Variants in DYNLT2 observed in about 807,000 individuals in gnomAD.
DYNLT2 encodes the protein dynein light chain Tctex-type 2.
A neutral mutation model predicts 24.3 loss-of-function variants in DYNLT2; 24 were observed. The ratio of observed to expected loss-of-function variants is 0.99; its 90% confidence interval spans 0.71 to 1.39. The LOEUF is 1.39. Ranked by LOEUF, DYNLT2 falls within the 40% of genes most tolerant of loss-of-function variation. DYNLT2 has a pLI of 0.00. For synonymous variants in DYNLT2, 85 were observed against 85.4 expected (o/e 1.00, Z 0.03); for missense variants, 246 against 234.5 (o/e 1.05, Z -0.32).
In DYNLT2 at chr6:169,743,083, T is replaced by C; in HGVS notation, c.483A>G (p.Ile161Met). 6.5e-7 allele frequency: 1 copy of C among 1,545,096 alleles called. No homozygotes were observed. Among genetic ancestry groups the C allele is most frequent in the Non-Finnish European group, 8.8e-7 (1 of 1,137,770 alleles). The change falls in exon 3 of 4, where the codon ATA (isoleucine) becomes ATG (methionine). Residue 161 changes from isoleucine to methionine, a missense_variant. By Grantham distance (10) the Ile-to-Met change is conservative. Coordinates refer to ENST00000366774, the MANE Select transcript of DYNLT2 (RefSeq NM_174910.3). Reference sequence around the variant, plus strand: ...CCTGTATCAATGGGGTACTTACATTTATTGCTTGGCCAGTCTTTTGAATAA... The same window carrying C: ...CCTGTATCAATGGGGTACTTACATTCATTGCTTGGCCAGTCTTTTGAATAA... ...VLFIQKTGQA[I>M]NIASRWIWDI...
downstream of DYNLT2, among the ~76,000 whole-genome samples, chr6:169,739,200 A>G (rs1380460081): frequency 1.4e-5 from 2 of 138,062 alleles, no homozygotes; most frequent in South Asian, 2.3e-4. Flanking sequence ...TGGATCCACA[A>G]TTTTCTCCTT....
Position 169,751,462 on chromosome 6 carries a change from G to A in DYNLT2, c.-4C>T. On this transcript the variant is annotated 5_prime_UTR_variant, in exon 1 of 4. Transcript: ENST00000366774. ...CGCCTCGGCCTCGCTTCTCCATCTC[G>A]CTCTGTTCTCCAAGACGCCCACCGC... is the stretch of plus-strand genomic sequence containing the variant. The A allele has an allele frequency of 8.1e-6, 13 of 1,613,534 alleles. No individual in the cohort carries two copies. Among genetic ancestry groups the A allele is most frequent in the Non-Finnish European group, 1.0e-5 (12 of 1,179,854 alleles).
At chr6:169,740,965 C>T (rs1789666294) in intron 3 of DYNLT2, among the ~76,000 whole-genome samples, 2 of 152,064 alleles carry the variant, frequency 1.3e-5, no homozygotes, top group Admixed American at 6.6e-5. Flanking sequence ...CCTGCCACCA[C>T]ATCCAGCTAA....
chr6:169,747,874 G>A (rs925573600), intron 1 of DYNLT2, among the ~76,000 whole-genome samples: 3 of 152,116 alleles, frequency 2.0e-5, no homozygotes, highest in African/African-American at 7.2e-5. Context: ...CTTATAGGCT[G>A]GATATTTTTG....
chr6:169,741,234 C>A (rs1789672227), intron 3 of DYNLT2, among the ~76,000 whole-genome samples: 1 of 152,170 alleles, frequency 6.6e-6, no homozygotes, highest in Non-Finnish European at 1.5e-5. Context: ...AACTTCCAAG[C>A]AAGGCCTTCA....
chr6:169,730,690 A>T, the DYNLT2 span, among the ~76,000 whole-genome samples: 3 of 152,120 alleles, frequency 2.0e-5, no homozygotes, highest in African/African-American at 7.2e-5. Flanking sequence ...CGAAGTCAGG[A>T]GATCGAGACC....
chr6:169,745,613 G>C (rs1789779284), intron 1 of DYNLT2, among the ~76,000 whole-genome samples: 1 of 152,106 alleles, frequency 6.6e-6, no homozygotes, highest in South Asian at 2.1e-4. Flanking sequence ...TTGCATTCCA[G>C]GAACAAATTT....
At chr6:169,730,164 G>C in the DYNLT2 span, among the ~76,000 whole-genome samples, 1 of 152,172 alleles carries the variant, frequency 6.6e-6, no homozygotes, top group Non-Finnish European at 1.5e-5. Context: ...AGTGAAAATT[G>C]CACAGTGCAT....
the DYNLT2 span, among the ~76,000 whole-genome samples, chr6:169,730,313 G>A: frequency 2.6e-5 from 4 of 152,192 alleles, no homozygotes; most frequent in Non-Finnish European, 4.4e-5. Context: ...CAAGTGATGG[G>A]GAGGAATAAG....
the DYNLT2 span, among the ~76,000 whole-genome samples, chr6:169,728,695 T>C: frequency 6.6e-5 from 10 of 152,338 alleles, no homozygotes; most frequent in East Asian, 1.9e-3. Context: ...TAGTATGCCA[T>C]AATTTAAAAC....
intron 1 of DYNLT2, chr6:169,749,497 A>C (rs924708713): frequency 1.3e-5 from 2 of 152,260 alleles, no homozygotes; most frequent in Admixed American, 6.5e-5. Context: ...TCGCAACAAC[A>C]GGAACTCATT....
rs755074306 is a variant in DYNLT2, at chr6:169,740,211, A to G, written c.571T>C (p.Leu191=). ...TATTCATAATAAAGGGCAAACACCA[A>G]GACCAGTGCCACGTAGGATTCTGCT... ...HEAESYVALV[L]VFALYYE Residue 191 remains leucine (L), a synonymous_variant, in exon 4 of 4, where the codon TTG becomes CTG. Transcript: ENST00000366774. 99 of 1,613,902 alleles carry G rather than the reference A, an allele frequency of 6.1e-5. No individual in the cohort carries two copies. The highest frequency in any genetic ancestry group is 8.1e-5 in the Non-Finnish European group (95 of 1,179,858).
At chr6:169,736,142 G>GT (rs59505534), downstream of DYNLT2, among the ~76,000 whole-genome samples, 23,717 of 142,870 alleles carry the variant, frequency 0.17, 2,395 homozygotes, top group East Asian at 0.29. Flanking sequence ...TTTTTTGTTT[G>GT]TTTTTTTTTT....
intron 1 of DYNLT2, 146 bp downstream of exon 1, chr6:169,751,193 C>T (rs935875904): frequency 8.6e-6 from 11 of 1,286,240 alleles, no homozygotes; most frequent in South Asian, 1.4e-5. Context: ...GCTTCAATTT[C>T]GCATCTGGGG....
the DYNLT2 span, among the ~76,000 whole-genome samples, chr6:169,732,792 A>C: frequency 2.0e-5 from 3 of 152,220 alleles, no homozygotes; most frequent in Admixed American, 2.0e-4. Context: ...TCCTTTGGGT[A>C]TATACCCAGT....
At position 169,743,143 on chromosome 6, in the gene DYNLT2, C is replaced by T. The variant is rs1371941088; in HGVS notation, c.423G>A (p.Gly141=). 6 of 1,579,068 alleles carry T rather than the reference C, an allele frequency of 3.8e-6. No homozygotes were observed. Among genetic ancestry groups the T allele is most frequent in the Non-Finnish European group, 5.2e-6 (6 of 1,157,132 alleles). The part of the protein sequence containing the change: ...DRILLAVKEF[G]YHRYKFIIKV... ...TTATAATGAACTTATAACGGTGGTACCCAAATTCTTTGACTGCTAACAGTA... is the reference window on the plus strand; with the variant it reads ...TTATAATGAACTTATAACGGTGGTATCCAAATTCTTTGACTGCTAACAGTA... Residue 141 remains glycine (G), a synonymous_variant, in exon 3 of 4, where the codon GGG becomes GGA. Transcript: ENST00000366774.
the DYNLT2 span, among the ~76,000 whole-genome samples, chr6:169,728,149 G>A: frequency 6.6e-6 from 1 of 152,208 alleles, no homozygotes; most frequent in Admixed American, 6.5e-5. Flanking sequence ...CATTCAGGAA[G>A]GGGTTTTCCA....
chr6:169,729,959 C>T, the DYNLT2 span, among the ~76,000 whole-genome samples: 3 of 152,028 alleles, frequency 2.0e-5, no homozygotes, highest in African/African-American at 7.2e-5. Context: ...TTATATTAGC[C>T]CAAGCTAAGA....
intron 1 of DYNLT2, 129 bp downstream of exon 1, chr6:169,751,210 G>C (rs75195854): frequency 1.4e-6 from 2 of 1,409,604 alleles, no homozygotes; most frequent in African/African-American, 2.9e-5. Context: ...GGGGAAAAAA[G>C]AAACACAAAA....
Sources: gnomAD v4.1 joint callset for allele counts (sites outside exome capture counted in the v4.1 genomes callset) on GRCh38, gnomAD v4.1.1 for gene constraint, MANE v1.5 for transcripts, NCBI Gene and HGNC (gene_info 2026-07-23, HGNC 2026-07-21) for gene names.